AREG: variants seen among roughly 807,000 people sequenced by gnomAD.
The protein encoded by AREG is amphiregulin, also known as amphiregulin B.
Under a neutral mutation model 28.0 loss-of-function variants are expected in AREG, and 16 were observed. The ratio of observed to expected loss-of-function variants is 0.57; its 90% confidence interval spans 0.39 to 0.87. The LOEUF (loss-of-function observed/expected upper bound fraction) is 0.87, where lower values mean the gene tolerates loss of function less well. AREG is among the 40% of genes least tolerant of loss of function. The probability of loss-of-function intolerance (pLI) is 0.00; values close to 1 mark genes in which losing one functional copy is unlikely to be tolerated. For missense variants in AREG, 287 were observed against 309.1 expected (o/e 0.93, Z 0.53); for synonymous variants, 113 against 113.5 (o/e 1.00, Z 0.02).
intron 4 of AREG, among the ~76,000 whole-genome samples, chr4:74,451,026 G>A (rs1249848066): frequency 3.3e-5 from 5 of 152,082 alleles, no homozygotes; most frequent in African/African-American, 1.2e-4. Flanking sequence ...TTCTGAGTTA[G>A]GAATATTATA....
intron 1 of AREG, among the ~76,000 whole-genome samples, chr4:74,445,642 C>T (rs1292941062): frequency 6.6e-6 from 1 of 152,168 alleles, no homozygotes; most frequent in Non-Finnish European, 1.5e-5. Flanking sequence ...GCTGAGAAGA[C>T]GGGAGAGATC....
chr4:74,454,339 T>G (rs1445557587), intron 5 of AREG, among the ~76,000 whole-genome samples: 2 of 152,222 alleles, frequency 1.3e-5, no homozygotes, highest in African/African-American at 4.8e-5. Context: ...TAACTGGTAG[T>G]TACTATTATT....
intron 2 of AREG, 82 bp downstream of exon 2, chr4:74,446,864 C>G: frequency 1.9e-6 from 3 of 1,607,524 alleles, no homozygotes; most frequent in Non-Finnish European, 2.5e-6. Flanking sequence ...AAAGCTGCTC[C>G]CCAGATTTTC....
At chr4:74,449,898 C>T (rs1719353186) in intron 3 of AREG, among the ~76,000 whole-genome samples, 1 of 143,738 alleles carries the variant, frequency 7.0e-6, no homozygotes, top group Non-Finnish European at 1.5e-5. Flanking sequence ...TGTGCATGCT[C>T]CTGCTTGCTC....
intron 4 of AREG, among the ~76,000 whole-genome samples, chr4:74,452,333 G>T (rs1156965224): frequency 1.3e-5 from 2 of 152,084 alleles, no homozygotes; most frequent in African/African-American, 4.8e-5. Context: ...TTAAATATAA[G>T]CCCTCTGGAA....
At chr4:74,451,225 T>C (rs1719375938) in intron 4 of AREG, among the ~76,000 whole-genome samples, 1 of 152,172 alleles carries the variant, frequency 6.6e-6, no homozygotes, top group African/African-American at 2.4e-5. Context: ...TCATGGCCAG[T>C]AAATGTTAGG....
chr4:74,447,526 C>T (rs1343398207), intron 2 of AREG, among the ~76,000 whole-genome samples: 2 of 152,074 alleles, frequency 1.3e-5, no homozygotes, highest in Non-Finnish European at 2.9e-5. Flanking sequence ...TTTAAAAAGG[C>T]CCTTTGCTTG....
At position 74,452,746 on chromosome 4, in the gene AREG, CTTAA is replaced by C. The variant is rs1719399915; in HGVS notation, c.*18+95_*18+98del. On this transcript the variant is annotated intron_variant, in intron 5 of 5. Transcript: ENST00000395748. Reference sequence around the variant, plus strand: ...TCTCAAGAAAAATATGGAATGTGTTCTTAATTATATATACACTATGAACAATGGC... The same window carrying C: ...TCTCAAGAAAAATATGGAATGTGTTCTTATATATACACTATGAACAATGGC... The C allele has an allele frequency of 4.2e-5, 47 of 1,131,700 alleles. No individual in the cohort carries two copies. In the South Asian group the frequency reaches 4.9e-4, roughly 12 times the overall value. The allele number at this position is 1,131,700 out of a possible 1,614,324, so 70.1% of individuals were successfully genotyped here.
At chr4:74,454,641 T>C (rs1221578911) in intron 5 of AREG, 118 bp from the exon 6 acceptor site, 1 of 543,604 alleles carries the variant, frequency 1.8e-6, no homozygotes, top group African/African-American at 1.9e-5. Flanking sequence ...AGAAAACAAC[T>C]GACAGAAATT....
intron 3 of AREG, 41 bp from the exon 4 acceptor site, chr4:74,450,339 C>T (rs368667736): frequency 0.27 from 435,163 of 1,613,406 alleles, 63,018 homozygotes; most frequent in East Asian, 0.48. Context: ...ACACACCGCA[C>T]GTTTTTGTGA....
chr4:74,452,482 C>A, intron 4 of AREG, 62 bp from the exon 5 acceptor site: 2 of 1,600,664 alleles, frequency 1.2e-6, no homozygotes, highest in Non-Finnish European at 1.7e-6. Flanking sequence ...CTCATAAAAA[C>A]CCCAATCAAA....
chr4:74,452,762 C>T (rs1437401904), intron 5 of AREG, 107 bp downstream of exon 5: 2 of 943,728 alleles, frequency 2.1e-6, no homozygotes, highest in Non-Finnish European at 3.2e-6. Flanking sequence ...TATATATACA[C>T]TATGAACAAT....
chr4:74,449,905 GCTCTCTCTCT>G (rs34389731), intron 3 of AREG, among the ~76,000 whole-genome samples: 14 of 145,628 alleles, frequency 9.6e-5, no homozygotes, highest in East Asian at 2.0e-4. Flanking sequence ...GCTCCTGCTT[GCTCTCTCTCT>G]CTCTCTCTCT....
chr4:74,450,394 A>G lies in AREG; in HGVS notation c.527A>G (p.Tyr176Cys). 1 of 1,613,978 alleles carries G rather than the reference A, an allele frequency of 6.2e-7. No homozygotes were observed. The change falls in exon 4 of 6, where the codon TAT (tyrosine) becomes TGT (cysteine). Residue 176 changes from tyrosine (Y) to cysteine (C), a missense_variant. Physicochemically the swap from Tyr to Cys is radical, Grantham distance 194 (BLOSUM62 -2). Coordinates refer to ENST00000395748, the MANE Select transcript of AREG (RefSeq NM_001657.4). ...EAVTCKCQQE[Y>C]FGERCGEKSM... The stretch of plus-strand genomic sequence containing the variant: ...ATTGCTTGCAGATGTCAGCAAGAAT[A>G]TTTCGGTGAACGGTGTGGGGAAAAG...
At chr4:74,450,878 C>T (rs1045191493) in intron 4 of AREG, among the ~76,000 whole-genome samples, 3 of 152,098 alleles carry the variant, frequency 2.0e-5, no homozygotes, top group Non-Finnish European at 4.4e-5. Context: ...CTTCATCAAG[C>T]CTCAGGAGCT....
At chr4:74,447,814 C>T (rs1432052231) in intron 2 of AREG, among the ~76,000 whole-genome samples, 3 of 152,158 alleles carry the variant, frequency 2.0e-5, no homozygotes, top group East Asian at 3.9e-4. Flanking sequence ...TTAGCGAACA[C>T]TCCACTTAAT....
At chr4:74,452,481 A>T in intron 4 of AREG, 63 bp from the exon 5 acceptor site, 1 of 1,600,594 alleles carries the variant, frequency 6.2e-7, no homozygotes. Flanking sequence ...ACTCATAAAA[A>T]CCCCAATCAA....
rs766645054 is a variant in AREG, at chr4:74,446,536, C to T, written c.64C>T (p.His22Tyr). The change falls in exon 2 of 6, where the codon CAT becomes TAT. Residue 22 changes from histidine to tyrosine, a missense_variant and splice_region_variant. Coordinates refer to ENST00000395748, the MANE Select transcript of AREG (RefSeq NM_001657.4). The part of the protein sequence containing the change: ...VLSLLILGSG[H>Y]YAAGLDLNDT... Reference sequence around the variant, plus strand: ...TTCCTTTATTCCCTCCCCTGCAGGCCATTATGCTGCTGGATTGGACCTCAA... The same window carrying T: ...TTCCTTTATTCCCTCCCCTGCAGGCTATTATGCTGCTGGATTGGACCTCAA... 1.2e-5 allele frequency: 20 copies of T among 1,613,962 alleles called. 1 individual carries two copies. In the South Asian group the frequency reaches 2.1e-4, roughly 17 times the overall value.
Position 74,445,208 on chromosome 4 carries a change from G to T in AREG, c.-138G>T. On this transcript the variant is annotated 5_prime_UTR_variant, in exon 1 of 6. Transcript: ENST00000395748. ...CCCGAGGCGCCGCGCCCGCCGCCCC[G>T]AGCTCCCCAAGCCTTCGAGAGCGGC... 6.7e-7 allele frequency: 1 copy of T among 1,496,236 alleles called. No homozygotes were observed. The highest frequency in any genetic ancestry group is 9.0e-7 in the Non-Finnish European group (1 of 1,117,100). 92.7% of individuals were successfully genotyped at this position (1,496,236 alleles called of 1,614,324 possible).
Sources: gnomAD v4.1 joint callset for allele counts (sites outside exome capture counted in the v4.1 genomes callset) on GRCh38, gnomAD v4.1.1 for gene constraint, MANE v1.5 for transcripts, NCBI Gene and HGNC (gene_info 2026-07-23, HGNC 2026-07-21) for gene names.